DCAF6: variants seen among roughly 807,000 people sequenced by gnomAD.
DCAF6 encodes the protein DDB1 and CUL4 associated factor 6, also known as DDB1- and CUL4-associated factor 6.
In DCAF6, 54 loss-of-function variants were observed where a neutral mutation model predicts 125.1. That is an observed-to-expected ratio of 0.43 (90% CI 0.35 to 0.54). DCAF6 has a LOEUF of 0.54. DCAF6 is among the 20% of genes least tolerant of loss of function. The pLI is 0.01. For synonymous variants in DCAF6, 371 were observed against 390.4 expected (o/e 0.95, Z 0.58); for missense variants, 934 against 1,161.7 (o/e 0.80, Z 2.85).
At chr1:167,878,199 G>A in the DCAF6 span, among the ~76,000 whole-genome samples, 10 of 152,164 alleles carry the variant, frequency 6.6e-5, no homozygotes, top group Non-Finnish European at 1.0e-4. Flanking sequence ...TGTTTGGTTT[G>A]TACAACCTTT....
the DCAF6 span, among the ~76,000 whole-genome samples, chr1:167,899,805 G>A: frequency 6.6e-6 from 1 of 152,268 alleles, no homozygotes; most frequent in African/African-American, 2.4e-5. Flanking sequence ...GCCTTCCAAA[G>A]CTCCCCTTCT....
chr1:168,047,996 C>T (rs931945236), intron 16 of DCAF6, among the ~76,000 whole-genome samples: 6 of 152,108 alleles, frequency 3.9e-5, no homozygotes, highest in African/African-American at 1.4e-4. Flanking sequence ...GCCAGTTTAT[C>T]TTACTTCTCA....
At chr1:167,883,578 C>T in the DCAF6 span, 9 of 1,614,214 alleles carry the variant, frequency 5.6e-6, no homozygotes, top group East Asian at 4.5e-5. Context: ...CAAACACAAT[C>T]GTCACTGGGC....
chr1:167,966,788 A>C, intron 3 of DCAF6, 67 bp downstream of exon 3: 1 of 966,306 alleles, frequency 1.0e-6, no homozygotes, highest in Non-Finnish European at 1.6e-6. Context: ...AAATGAAGAA[A>C]CTGTGAACAG....
At chr1:167,927,684 A>ATAAG in the DCAF6 span, among the ~76,000 whole-genome samples, 1 of 150,628 alleles carries the variant, frequency 6.6e-6, no homozygotes, top group Non-Finnish European at 1.5e-5. Flanking sequence ...TTTGGGGTTA[A>ATAAG]TAGTCGATCT....
intron 13 of DCAF6, among the ~76,000 whole-genome samples, chr1:168,039,454 A>G (rs1023626128): frequency 6.6e-6 from 1 of 151,044 alleles, no homozygotes; most frequent in Non-Finnish European, 1.5e-5. Context: ...TTTACATTTG[A>G]GAAAAGCAAG....
intron 3 of DCAF6, among the ~76,000 whole-genome samples, chr1:167,970,441 C>T (rs1677134138): frequency 6.6e-6 from 1 of 152,088 alleles, no homozygotes; most frequent in South Asian, 2.1e-4. Context: ...CGCTTGAGGC[C>T]AGGAGTTAAA....
At chr1:167,916,534 T>G in the DCAF6 span, among the ~76,000 whole-genome samples, 1 of 151,456 alleles carries the variant, frequency 6.6e-6, no homozygotes, top group Non-Finnish European at 1.5e-5. Context: ...ATTAAAAAAT[T>G]GGATAGATTA....
intron 7 of DCAF6, among the ~76,000 whole-genome samples, chr1:168,001,822 C>A (rs923452216): frequency 6.6e-6 from 1 of 152,120 alleles, no homozygotes; most frequent in Non-Finnish European, 1.5e-5. Flanking sequence ...AAATGATACA[C>A]CCTTCAAGAA....
intron 2 of DCAF6, among the ~76,000 whole-genome samples, chr1:167,956,171 TCATGAATC>T (rs1321822221): frequency 6.6e-6 from 1 of 152,188 alleles, no homozygotes; most frequent in East Asian, 1.9e-4. Context: ...CTAAGAGCTA[TCATGAATC>T]ATTGCTGGAT....
the DCAF6 span, among the ~76,000 whole-genome samples, chr1:167,893,694 T>TC: frequency 2.3e-4 from 10 of 43,210 alleles, no homozygotes; most frequent in African/African-American, 1.1e-3. Context: ...AGACTCTGTC[T>TC]CAAAAAAAAA....
intron 12 of DCAF6, among the ~76,000 whole-genome samples, chr1:168,033,124 G>A (rs1343853688): frequency 6.6e-6 from 1 of 151,858 alleles, no homozygotes; most frequent in African/African-American, 2.4e-5. Flanking sequence ...ATTTCACAGC[G>A]TGTGCATTAC....
the DCAF6 span, chr1:167,878,466 A>G: frequency 7.1e-5 from 115 of 1,614,068 alleles, no homozygotes; most frequent in East Asian, 2.3e-3. Context: ...TACGGCCCCA[A>G]TACTGATACA....
intron 2 of DCAF6, 36 bp from the exon 3 acceptor site, chr1:167,966,593 C>A: frequency 7.5e-7 from 1 of 1,341,130 alleles, no homozygotes; most frequent in Non-Finnish European, 1.1e-6. Context: ...CTTTTATGTC[C>A]AATTTGCTTA....
intron 10 of DCAF6, among the ~76,000 whole-genome samples, chr1:168,009,754 G>T (rs1459487483): frequency 6.7e-6 from 1 of 149,830 alleles, no homozygotes; most frequent in Non-Finnish European, 1.5e-5. Flanking sequence ...CCTAGGTAAA[G>T]TCCTCTTTCC....
chr1:167,925,999 C>T, the DCAF6 span, among the ~76,000 whole-genome samples: 1 of 152,150 alleles, frequency 6.6e-6, no homozygotes, highest in Admixed American at 6.5e-5. Context: ...ATCTAAGTTT[C>T]ATTTTCTCAT....
chr1:167,929,432 A>C, the DCAF6 span, among the ~76,000 whole-genome samples: 1 of 152,200 alleles, frequency 6.6e-6, no homozygotes, highest in African/African-American at 2.4e-5. Flanking sequence ...ACTGACTATA[A>C]GTTATTTTGT....
chr1:167,896,735 G>A, the DCAF6 span: 1 of 1,336,094 alleles, frequency 7.5e-7, no homozygotes, highest in Non-Finnish European at 1.1e-6. Context: ...TCTGAGAACT[G>A]TTTAATCCTT....
At chr1:168,023,308 G>A (rs375372242) in intron 12 of DCAF6, 30 of 533,434 alleles carry the variant, frequency 5.6e-5, no homozygotes, top group Non-Finnish European at 8.7e-5. Context: ...AATTATAATG[G>A]ATACAAACTA....
Sources: gnomAD v4.1 joint callset for allele counts (sites outside exome capture counted in the v4.1 genomes callset) on GRCh38, gnomAD v4.1.1 for gene constraint, MANE v1.5 for transcripts, NCBI Gene and HGNC (gene_info 2026-07-23, HGNC 2026-07-21) for gene names.